The following NRG1 variants were observed in gnomAD, a reference collection of about 807,000 sequenced individuals.
NRG1 encodes neuregulin 1, also known as pro-neuregulin-1, membrane-bound isoform.
A neutral mutation model predicts 63.8 loss-of-function variants in NRG1; 18 were observed. The observed-to-expected ratio is 0.28, with a 90% CI of 0.19 to 0.42. The LOEUF is 0.42. NRG1 is among the 10% of genes least tolerant of loss of function. The pLI is 1.00. For synonymous variants in NRG1, 302 were observed against 301.3 expected (o/e 1.00, Z -0.02); for missense variants, 762 against 814.7 (o/e 0.94, Z 0.79).
chr8:32,009,348 T>TAC (rs1443694218), intron 1 of NRG1, among the ~76,000 whole-genome samples: 4 of 152,040 alleles, frequency 2.6e-5, no homozygotes, highest in Non-Finnish European at 5.9e-5. Flanking sequence ...TACACAATGG[T>TAC]TAACTTTACA....
At chr8:32,399,243 A>T (rs905015452) in intron 1 of NRG1, among the ~76,000 whole-genome samples, 14 of 152,210 alleles carry the variant, frequency 9.2e-5, no homozygotes, top group African/African-American at 3.1e-4. Flanking sequence ...AAGAGTCTCA[A>T]ACTTCTGATA....
chr8:32,268,729 C>T (rs1355173449), intron 1 of NRG1, among the ~76,000 whole-genome samples: 1 of 152,022 alleles, frequency 6.6e-6, no homozygotes, highest in Non-Finnish European at 1.5e-5. Flanking sequence ...TCAGTGTTTC[C>T]CTCCTGTAAT....
chr8:32,600,236 C>A (rs1340207157), intron 2 of NRG1, among the ~76,000 whole-genome samples: 14 of 151,868 alleles, frequency 9.2e-5, no homozygotes, highest in African/African-American at 2.9e-4. Context: ...AAGACCCCGT[C>A]TCTATACTTA....
chr8:31,804,961 G>A (rs1046114414), intron 1 of NRG1, among the ~76,000 whole-genome samples: 1 of 152,180 alleles, frequency 6.6e-6, no homozygotes, highest in Non-Finnish European at 1.5e-5. Context: ...TACTGGGACT[G>A]TTACTGCTGA....
intron 1 of NRG1, among the ~76,000 whole-genome samples, chr8:32,151,436 T>C (rs568434484): frequency 1.9e-4 from 29 of 152,246 alleles, no homozygotes; most frequent in African/African-American, 6.7e-4. Context: ...CAAAGGATTC[T>C]GCAAGCAAAA....
At chr8:32,492,194 C>A (rs1379096394) in intron 1 of NRG1, among the ~76,000 whole-genome samples, 2 of 151,954 alleles carry the variant, frequency 1.3e-5, no homozygotes, top group Admixed American at 1.3e-4. Flanking sequence ...CAGGGCCTAG[C>A]ACAATGTTGA....
At chr8:32,175,250 A>G (rs1421638180) in intron 1 of NRG1, among the ~76,000 whole-genome samples, 2 of 152,122 alleles carry the variant, frequency 1.3e-5, no homozygotes, top group Non-Finnish European at 2.9e-5. Context: ...ATCTCAATAG[A>G]TGCAGAAAAG....
intron 1 of NRG1, among the ~76,000 whole-genome samples, chr8:31,888,402 G>C (rs1830889916): frequency 1.3e-5 from 2 of 152,124 alleles, no homozygotes; most frequent in South Asian, 4.1e-4. Context: ...TTTTAGGACA[G>C]TGAGGAAATT....
intron 1 of NRG1, among the ~76,000 whole-genome samples, chr8:32,504,800 T>G (rs1179986906): frequency 6.6e-6 from 1 of 152,170 alleles, no homozygotes; most frequent in African/African-American, 2.4e-5. Flanking sequence ...TTTATCAATA[T>G]TGTTGGTGGA....
chr8:31,761,187 T>C (rs1817511742), intron 1 of NRG1, among the ~76,000 whole-genome samples: 1 of 152,016 alleles, frequency 6.6e-6, no homozygotes, highest in Non-Finnish European at 1.5e-5. Flanking sequence ...TTATTCTCAG[T>C]AAACTATCCC....
intron 5 of NRG1, chr8:32,648,049 A>G: frequency 6.2e-7 from 1 of 1,613,790 alleles, no homozygotes; most frequent in East Asian, 2.2e-5. Context: ...TCTCCTACTC[A>G]CCTTGACCCT....
chr8:32,003,433 C>T (rs1351440637), intron 1 of NRG1, among the ~76,000 whole-genome samples: 2 of 151,916 alleles, frequency 1.3e-5, no homozygotes, highest in African/African-American at 4.8e-5. Flanking sequence ...ATATTCTGGG[C>T]CATAACATTT....
At chr8:32,187,811 T>C (rs1159941488) in intron 1 of NRG1, among the ~76,000 whole-genome samples, 1 of 152,216 alleles carries the variant, frequency 6.6e-6, no homozygotes, top group Non-Finnish European at 1.5e-5. Context: ...AGAAAGCAGA[T>C]TGGCTTTTAG....
intron 1 of NRG1, among the ~76,000 whole-genome samples, chr8:32,184,182 ATTC>A (rs1462438999): frequency 6.6e-6 from 1 of 152,136 alleles, no homozygotes; most frequent in Non-Finnish European, 1.5e-5. Flanking sequence ...TGTATAATAT[ATTC>A]TTCACTTTCA....
chr8:32,230,051 A>T (rs951433558), intron 1 of NRG1, among the ~76,000 whole-genome samples: 1 of 152,146 alleles, frequency 6.6e-6, no homozygotes, highest in Middle Eastern at 3.2e-3. Context: ...ACTAACAGCA[A>T]TCATATTTAG....
intron 1 of NRG1, among the ~76,000 whole-genome samples, chr8:32,346,207 G>A (rs1804872822): frequency 1.4e-5 from 2 of 146,750 alleles, no homozygotes; most frequent in African/African-American, 2.5e-5. Flanking sequence ...ATATGTAGAT[G>A]AATAGATATA....
intron 1 of NRG1, among the ~76,000 whole-genome samples, chr8:32,535,851 T>A (rs777896224): frequency 4.6e-5 from 7 of 152,166 alleles, no homozygotes; most frequent in Non-Finnish European, 8.8e-5. Context: ...TCTTCATTTT[T>A]CAGAGGGAGA....
intron 1 of NRG1, among the ~76,000 whole-genome samples, chr8:31,957,190 G>GTT (rs5890609): frequency 0.038 from 5,680 of 147,638 alleles, 267 homozygotes; most frequent in African/African-American, 0.11. Flanking sequence ...AAATCAAAGA[G>GTT]TTTTTTTTTT....
At chr8:31,780,643 G>A (rs1478888258) in intron 1 of NRG1, among the ~76,000 whole-genome samples, 1 of 152,146 alleles carries the variant, frequency 6.6e-6, no homozygotes, top group Non-Finnish European at 1.5e-5. Flanking sequence ...AATTAGCAAA[G>A]GTTCCTGCCA....
Sources: allele counts gnomAD v4.1 joint callset (sites outside exome capture counted in the v4.1 genomes callset), GRCh38; gene constraint gnomAD v4.1.1; transcripts MANE v1.5; gene names NCBI Gene and HGNC (gene_info 2026-07-23, HGNC 2026-07-21).